The following C9 variants were observed in gnomAD, a reference collection of about 807,000 sequenced individuals.
C9 encodes complement component C9.
In C9, 63 loss-of-function variants were observed where a neutral mutation model predicts 65.4. The ratio of observed to expected loss-of-function variants is 0.96; its 90% CI spans 0.79 to 1.19. The LOEUF (loss-of-function observed/expected upper bound fraction) is 1.19. Among genes scored for constraint, C9 ranks in the 50% most tolerant of loss-of-function variants. The pLI is 0.00. For synonymous variants in C9, 229 were observed against 227.9 expected (o/e 1.00, Z -0.04); for missense variants, 744 against 670.1 (o/e 1.11, Z -1.22).
chr5:39,329,929 T>C (rs1390780671), intron 5 of C9, among the ~76,000 whole-genome samples: 3 of 152,236 alleles, frequency 2.0e-5, no homozygotes, highest in African/African-American at 7.2e-5. Flanking sequence ...ATAATGAGTT[T>C]GGCTACTTAT....
intron 9 of C9, among the ~76,000 whole-genome samples, chr5:39,301,385 A>C (rs1445897157): frequency 6.6e-6 from 1 of 151,990 alleles, no homozygotes; most frequent in Non-Finnish European, 1.5e-5. Context: ...CCTAGATTGG[A>C]TCCTGAAACA....
intron 4 of C9, among the ~76,000 whole-genome samples, chr5:39,335,615 C>T (rs1753949868): frequency 1.3e-5 from 2 of 152,148 alleles, no homozygotes. Context: ...TAGGTATGTG[C>T]GAATACTATG....
chr5:39,342,947 A>G (rs1754117171), intron 1 of C9, among the ~76,000 whole-genome samples: 1 of 152,110 alleles, frequency 6.6e-6, no homozygotes, highest in Non-Finnish European at 1.5e-5. Flanking sequence ...AAAAAAGAAA[A>G]CACATCAGAA....
chr5:39,346,380 A>G (rs1754195919), intron 1 of C9, among the ~76,000 whole-genome samples: 1 of 152,218 alleles, frequency 6.6e-6, no homozygotes, highest in Non-Finnish European at 1.5e-5. Context: ...CCATCAGAGA[A>G]TACTATAAAT....
In C9 at chr5:39,330,653, G is replaced by A. The variant is rs73078514; in HGVS notation, c.615+1023C>T. Among the ~76,000 whole-genome samples the A allele has an allele frequency of 2.0e-5, 3 of 152,266 alleles. No individual in the cohort carries two copies. In the South Asian group the frequency reaches 6.2e-4, roughly 32 times the overall value. On this transcript the variant is annotated intron_variant, in intron 5 of 10. Transcript: ENST00000263408. ...ATCACAAAAATCTGTGCTTAAAGAA[G>A]TTTAACCTGGCATTATTGGGGAAAA... is the stretch of plus-strand genomic sequence containing the variant.
chr5:39,361,943 A>G (rs1193227253), intron 1 of C9, among the ~76,000 whole-genome samples: 1 of 152,260 alleles, frequency 6.6e-6, no homozygotes, highest in Non-Finnish European at 1.5e-5. Context: ...CTTCCGTCCT[A>G]AACAAGAAAG....
chr5:39,287,909 G>A (rs1034642014), intron 10 of C9, among the ~76,000 whole-genome samples: 2 of 151,718 alleles, frequency 1.3e-5, no homozygotes, highest in African/African-American at 4.8e-5. Context: ...TACACCAGAG[G>A]CCCAAAGCTT....
At position 39,340,855 on chromosome 5, in the gene C9, TC is replaced by T. The variant is rs546636641; in HGVS notation, c.476+290del. On this transcript the variant is annotated intron_variant, in intron 4 of 10. Transcript: ENST00000263408. ...AATGTTGCTGTGGTCTCCCAGAGGT[TC>T]CTAAATGAGAGATTTCATCTCTTGC... 4.8e-4 allele frequency among the ~76,000 whole-genome samples: 73 copies of T among 152,306 alleles called. 1 individual carries two copies. The highest frequency in any genetic ancestry group is 9.0e-4 in the Non-Finnish European group (61 of 68,030).
At chr5:39,341,997 G>A (rs1345646032) in intron 2 of C9, 94 bp downstream of exon 2, 7 of 819,914 alleles carry the variant, frequency 8.5e-6, no homozygotes, top group Non-Finnish European at 1.5e-5. Flanking sequence ...GAACTCAGTT[G>A]TGGGGCTCCC....
intron 9 of C9, among the ~76,000 whole-genome samples, chr5:39,300,423 CA>C (rs1261692431): frequency 6.6e-6 from 1 of 151,212 alleles, no homozygotes. Context: ...AAAACAAAAA[CA>C]AAAAGAAAAG....
chr5:39,307,758 T>C (rs1214940744), intron 8 of C9, among the ~76,000 whole-genome samples: 1 of 152,186 alleles, frequency 6.6e-6, no homozygotes, highest in African/African-American at 2.4e-5. Context: ...CAAACATATT[T>C]GTATTTTTGA....
chr5:39,322,528 A>G (rs1324688820), intron 5 of C9, among the ~76,000 whole-genome samples: 1 of 152,134 alleles, frequency 6.6e-6, no homozygotes, highest in African/African-American at 2.4e-5. Flanking sequence ...GAAAAACAAC[A>G]GAAAAGGCCA....
intron 1 of C9, among the ~76,000 whole-genome samples, chr5:39,362,355 A>G (rs112656055): frequency 2.0e-5 from 3 of 152,332 alleles, no homozygotes; most frequent in African/African-American, 7.2e-5. Context: ...GATGATGTGA[A>G]GATGGCCATG....
intron 9 of C9, among the ~76,000 whole-genome samples, chr5:39,290,986 C>T (rs1393880205): frequency 6.6e-6 from 1 of 151,938 alleles, no homozygotes; most frequent in Admixed American, 6.6e-5. Context: ...TTGAAATATA[C>T]AAAATTACCC....
rs78019181 is a variant in C9, at chr5:39,289,085, G to A, written c.1417-134C>T. 1,353 of 671,054 alleles carry A rather than the reference G, an allele frequency of 2.0e-3. 18 individuals are homozygous for A. The African/African-American group carries it at 0.022, about 11-fold the overall frequency. The allele number at this position is 671,054 out of a possible 1,614,324, so 41.6% of individuals were successfully genotyped here. ...TATTGAATGTATAGTATTGCCAGAT[G>A]TGATGTTAGCTTTTAAACAATCAAA... On this transcript the variant is annotated intron_variant, in intron 9 of 10. Transcript: ENST00000263408.
At chr5:39,314,899 C>T (rs539533244) in intron 6 of C9, among the ~76,000 whole-genome samples, 1 of 152,248 alleles carries the variant, frequency 6.6e-6, no homozygotes, top group East Asian at 1.9e-4. Context: ...TTATTTTTGG[C>T]TGTCTCTTTC....
In C9 at chr5:39,306,786, ATGT is replaced by A; in HGVS notation, c.1244_1246del (p.Asn415del). 1 of 1,609,708 alleles carries A rather than the reference ATGT, an allele frequency of 6.2e-7. No individual in the cohort carries two copies. Among genetic ancestry groups the A allele is most frequent in the Non-Finnish European group, 8.5e-7 (1 of 1,176,170 alleles). On this transcript the variant is annotated inframe_deletion, in exon 9 of 11. Coordinates refer to ENST00000263408, the MANE Select transcript of C9 (RefSeq NM_001737.5). ...ATCATCTATGAGGTTTTCACTGGTG[ATGT>A]TTACTGAGGAGAGAAGGAAGATTTA...
chr5:39,350,323 A>G (rs1273849025), intron 1 of C9, among the ~76,000 whole-genome samples: 1 of 152,176 alleles, frequency 6.6e-6, no homozygotes, highest in Non-Finnish European at 1.5e-5. Context: ...TCAACGTGGG[A>G]GATGAGTGGG....
intron 5 of C9, among the ~76,000 whole-genome samples, chr5:39,330,235 C>T (rs897994163): frequency 3.3e-5 from 5 of 152,178 alleles, no homozygotes; most frequent in Non-Finnish European, 7.4e-5. Flanking sequence ...TTATGTGATG[C>T]TGCTCCAAAC....
Sources: allele counts gnomAD v4.1 joint callset (sites outside exome capture counted in the v4.1 genomes callset), GRCh38; gene constraint gnomAD v4.1.1; transcripts MANE v1.5; gene names NCBI Gene and HGNC (gene_info 2026-07-23, HGNC 2026-07-21).